The following STAU2 variants were observed in gnomAD, a reference collection of about 807,000 sequenced individuals.
STAU2 encodes the protein staufen double-stranded RNA binding protein 2.
A neutral mutation model predicts 65.9 loss-of-function variants in STAU2; 20 were observed. The observed-to-expected ratio is 0.30, with a 90% CI of 0.21 to 0.44. The LOEUF (loss-of-function observed/expected upper bound fraction) is 0.44, where lower values mean the gene tolerates loss of function less well. STAU2 is among the 20% of genes least tolerant of loss of function. STAU2 has a pLI of 1.00. For missense variants in STAU2, 558 were observed against 683.9 expected, an observed-to-expected ratio of 0.82 and a Z score of 2.05; for synonymous variants, 232 against 233.9, an observed-to-expected ratio of 0.99 and a Z score of 0.07.
intron 6 of STAU2, among the ~76,000 whole-genome samples, chr8:73,671,110 G>A (rs981300083): frequency 6.6e-6 from 1 of 152,014 alleles, no homozygotes; most frequent in Non-Finnish European, 1.5e-5. Context: ...AGCCTCACTA[G>A]TAATCAATAA....
At chr8:73,668,700 G>A (rs1297042294) in intron 6 of STAU2, among the ~76,000 whole-genome samples, 4 of 151,946 alleles carry the variant, frequency 2.6e-5, no homozygotes, top group African/African-American at 7.3e-5. Flanking sequence ...ATACATAACC[G>A]GATGTAATTA....
intron 6 of STAU2, among the ~76,000 whole-genome samples, chr8:73,651,938 A>G (rs1219724760): frequency 1.1e-4 from 16 of 152,324 alleles, no homozygotes; most frequent in African/African-American, 3.8e-4. Flanking sequence ...TCTGGAGAAT[A>G]TATTTATTAA....
chr8:73,718,806 T>C (rs1291509213), intron 3 of STAU2, among the ~76,000 whole-genome samples: 1 of 152,252 alleles, frequency 6.6e-6, no homozygotes, highest in East Asian at 1.9e-4. Context: ...CTTTTGAAAA[T>C]GCTACTCTTT....
chr8:73,627,965 A>T (rs1454226610), intron 6 of STAU2, among the ~76,000 whole-genome samples: 1 of 152,128 alleles, frequency 6.6e-6, no homozygotes, highest in African/African-American at 2.4e-5. Flanking sequence ...GAAAATTATT[A>T]TACTTTTCAT....
chr8:73,611,251 C>T (rs1812435216), intron 9 of STAU2, among the ~76,000 whole-genome samples: 1 of 152,160 alleles, frequency 6.6e-6, no homozygotes, highest in Non-Finnish European at 1.5e-5. Flanking sequence ...TCATTATACA[C>T]ATGTTGTTCT....
At chr8:73,654,430 T>C (rs539268383) in intron 6 of STAU2, among the ~76,000 whole-genome samples, 62 of 151,822 alleles carry the variant, frequency 4.1e-4, no homozygotes, top group African/African-American at 1.4e-3. Flanking sequence ...GGCGGGAGGA[T>C]TGTTTGAGCC....
chr8:73,567,554 C>CTT lies in STAU2; in HGVS notation c.1222+15214_1222+15215dup, dbSNP rs796990881. On this transcript the variant is annotated intron_variant, in intron 12 of 14. Coordinates refer to ENST00000524300, the MANE Select transcript of STAU2 (RefSeq NM_001164380.2). The stretch of plus-strand genomic sequence containing the variant: ...TTTCAAATAATATTTGTCTCTCTCT[C>CTT]TTTTTTTTTTTTAAGATGAAGTCTC... 3.5e-5 allele frequency among the ~76,000 whole-genome samples: 5 copies of CTT among 144,450 alleles called. 1 individual carries two copies. Among genetic ancestry groups the CTT allele is most frequent in the Admixed American group, 2.1e-4 (3 of 14,366 alleles). The allele number at this position is 144,450 out of a possible 152,430, so 94.8% of individuals were successfully genotyped here.
intron 4 of STAU2, among the ~76,000 whole-genome samples, chr8:73,705,990 C>T (rs1306842741): frequency 1.3e-5 from 2 of 152,196 alleles, no homozygotes; most frequent in Non-Finnish European, 2.9e-5. Context: ...GGATGAGACT[C>T]AGGCATAAGT....
intron 13 of STAU2, among the ~76,000 whole-genome samples, chr8:73,426,817 T>A (rs1270420701): frequency 6.6e-6 from 1 of 152,206 alleles, no homozygotes; most frequent in Non-Finnish European, 1.5e-5. Flanking sequence ...ATACCAACAC[T>A]GCATCAAATT....
At chr8:73,430,299 G>A (rs1056668922) in intron 13 of STAU2, among the ~76,000 whole-genome samples, 7 of 152,200 alleles carry the variant, frequency 4.6e-5, no homozygotes, top group Admixed American at 3.9e-4. Flanking sequence ...TAACTGTGAT[G>A]TACAGATAGC....
rs527482597 is a variant in STAU2 at position 73,735,767 on chromosome 8, G to C, written c.-18+2517C>G. Among the ~76,000 whole-genome samples, 8 of 152,310 alleles carry C rather than the reference G, an allele frequency of 5.3e-5. No individual in the cohort carries two copies. In the East Asian group the frequency reaches 9.6e-4, roughly 18 times the overall value. ...CCATGTAGAGAATTGCCTAGGAACT[G>C]TTTGCAATGCCTGATTCAACATGAC... On this transcript the variant is annotated intron_variant, in intron 3 of 14. Coordinates refer to ENST00000524300, the MANE Select transcript of STAU2 (RefSeq NM_001164380.2).
chr8:73,421,383 A>T lies in STAU2; in HGVS notation c.1702T>A (p.Ser568Thr). The T allele has an allele frequency of 6.5e-7, 1 of 1,537,178 alleles. No individual in the cohort carries two copies. The change falls in exon 15 of 15, where the codon TCG becomes ACG. Residue 568 changes from serine to threonine, a missense_variant. Coordinates refer to ENST00000524300, the MANE Select transcript of STAU2 (RefSeq NM_001164380.2). ...SIAQDCKKSNSAV is the reference protein window; with the variant it reads ...SIAQDCKKSNTAV The stretch of plus-strand genomic sequence containing the variant: ...GGTTCTGGGAGCTGCTAGACGGCCG[A>T]GTTTGATTTCTTGCAGTCCTGAGCG...
intron 5 of STAU2, among the ~76,000 whole-genome samples, chr8:73,688,194 G>A (rs1017800225): frequency 1.5e-5 from 1 of 66,572 alleles, no homozygotes; most frequent in African/African-American, 5.8e-5. Context: ...TTTTTTTTTT[G>A]AGATGGAGTT....
chr8:73,435,911 G>A (rs1457047234), intron 13 of STAU2, among the ~76,000 whole-genome samples: 1 of 151,716 alleles, frequency 6.6e-6, no homozygotes, highest in Non-Finnish European at 1.5e-5. Flanking sequence ...AGAGGAGCCT[G>A]GGTCTGTAGG....
chr8:73,579,841 G>C (rs1809854345), intron 12 of STAU2, among the ~76,000 whole-genome samples: 1 of 152,084 alleles, frequency 6.6e-6, no homozygotes, highest in African/African-American at 2.4e-5. Context: ...AATCAAGCAA[G>C]GAAAATAAAT....
intron 3 of STAU2, among the ~76,000 whole-genome samples, chr8:73,724,642 T>G (rs898910227): frequency 1.3e-5 from 2 of 149,508 alleles, no homozygotes; most frequent in Non-Finnish European, 3.0e-5. Context: ...TAAGCTATGA[T>G]GTTCAGTAGG....
chr8:73,451,173 T>C (rs1818778886), intron 13 of STAU2, among the ~76,000 whole-genome samples: 1 of 152,190 alleles, frequency 6.6e-6, no homozygotes. Context: ...AGCTCTTTCA[T>C]AATTTTGTGC....
intron 13 of STAU2, among the ~76,000 whole-genome samples, chr8:73,534,708 C>T (rs553936987): frequency 6.6e-6 from 1 of 152,262 alleles, no homozygotes; most frequent in Admixed American, 6.5e-5. Flanking sequence ...ATATCTGTTA[C>T]TGTCTCTTCA....
At chr8:73,724,599 A>T (rs1283950278) in intron 3 of STAU2, among the ~76,000 whole-genome samples, 1 of 151,464 alleles carries the variant, frequency 6.6e-6, no homozygotes, top group Non-Finnish European at 1.5e-5. Flanking sequence ...AGTCTAACTT[A>T]AGTGTTCTGA....
Sources: allele counts gnomAD v4.1 joint callset (sites outside exome capture counted in the v4.1 genomes callset), GRCh38; gene constraint gnomAD v4.1.1; transcripts MANE v1.5; gene names NCBI Gene and HGNC (gene_info 2026-07-23, HGNC 2026-07-21).